SSBP3: variants seen among roughly 807,000 people sequenced by gnomAD.
SSBP3 encodes single stranded DNA binding protein 3, also known as single-stranded DNA-binding protein 3.
SSBP3 carries 5 observed loss-of-function variants against 69.6 expected under a neutral mutation model. The observed-to-expected ratio is 0.07, with a 90% CI of 0.04 to 0.15. The LOEUF is 0.15. Ranked by LOEUF, SSBP3 falls within the 10% of genes least tolerant of loss-of-function variation. The pLI is 1.00. For missense variants in SSBP3, 312 were observed against 534.0 expected, an observed-to-expected ratio of 0.58 and a Z score of 4.10; for synonymous variants, 196 against 193.4, an observed-to-expected ratio of 1.01 and a Z score of -0.11.
intron 7 of SSBP3, among the ~76,000 whole-genome samples, chr1:54,253,101 T>C (rs1162770287): frequency 6.6e-6 from 1 of 151,726 alleles, no homozygotes. Context: ...TATGTGTGGT[T>C]AAGGTACGAG....
intron 6 of SSBP3, 113 bp from the exon 7 acceptor site, chr1:54,257,299 TTC>T: frequency 1.1e-6 from 1 of 910,496 alleles, no homozygotes; most frequent in Non-Finnish European, 1.6e-6. Flanking sequence ...ATCTTTTAAG[TTC>T]TTTCTCCTGC....
chr1:54,401,712 G>A (rs1649315175), intron 4 of SSBP3, 149 bp downstream of exon 4: 2 of 626,290 alleles, frequency 3.2e-6, no homozygotes, highest in African/African-American at 3.7e-5. Context: ...ACCATTGGGA[G>A]GGCTGCAGAG....
At chr1:54,392,879 C>T (rs542202374) in intron 4 of SSBP3, among the ~76,000 whole-genome samples, 1 of 152,306 alleles carries the variant, frequency 6.6e-6, no homozygotes, top group African/African-American at 2.4e-5. Flanking sequence ...TAACAAACGA[C>T]TAGGAGAGTT....
chr1:54,375,859 A>C (rs1219519913), intron 4 of SSBP3, among the ~76,000 whole-genome samples: 5 of 152,200 alleles, frequency 3.3e-5, no homozygotes, highest in Non-Finnish European at 7.4e-5. Context: ...GCAGGGAAGC[A>C]AAGGCAAGGC....
chr1:54,253,907 C>T (rs74780334), intron 7 of SSBP3, among the ~76,000 whole-genome samples: 1 of 152,344 alleles, frequency 6.6e-6, no homozygotes, highest in African/African-American at 2.4e-5. Context: ...TCCTCTAACC[C>T]TCCTATGTGT....
chr1:54,249,191 T>C (rs963279877), intron 9 of SSBP3, among the ~76,000 whole-genome samples: 1 of 152,218 alleles, frequency 6.6e-6, no homozygotes, highest in African/African-American at 2.4e-5. Flanking sequence ...TCAAATAGCC[T>C]GACATCTGTT....
At chr1:54,320,370 T>G (rs1646190665) in intron 4 of SSBP3, among the ~76,000 whole-genome samples, 2 of 152,140 alleles carry the variant, frequency 1.3e-5, no homozygotes, top group African/African-American at 4.8e-5. Context: ...CTGTCTGGAG[T>G]GCAATGACGC....
chr1:54,237,281 G>A (rs1570211203), intron 14 of SSBP3: 1 of 152,212 alleles, frequency 6.6e-6, no homozygotes, highest in Non-Finnish European at 1.5e-5. Flanking sequence ...TCACACACAG[G>A]ACTTTTAGTT....
chr1:54,341,648 T>C (rs146444443), intron 4 of SSBP3, among the ~76,000 whole-genome samples: 15 of 151,852 alleles, frequency 9.9e-5, no homozygotes, highest in African/African-American at 3.1e-4. Context: ...CCGTAAAATA[T>C]GTTAATTCCT....
intron 14 of SSBP3, among the ~76,000 whole-genome samples, chr1:54,235,100 C>G (rs1000725257): frequency 2.0e-5 from 3 of 152,134 alleles, no homozygotes; most frequent in African/African-American, 7.2e-5. Context: ...CACAAAGTAC[C>G]TCCGGTTTTA....
chr1:54,247,994 C>G (rs557832569), intron 9 of SSBP3, among the ~76,000 whole-genome samples: 13 of 152,320 alleles, frequency 8.5e-5, no homozygotes, highest in Admixed American at 8.5e-4. Context: ...CAGGGTGATA[C>G]CTGCGTTGCT....
intron 4 of SSBP3, among the ~76,000 whole-genome samples, chr1:54,327,287 A>C (rs1338506544): frequency 2.4e-4 from 36 of 151,826 alleles, no homozygotes; most frequent in Non-Finnish European, 1.5e-5. Context: ...CAACAAGAAC[A>C]ACAACAAAAA....
chr1:54,392,235 C>G (rs1183537452), intron 4 of SSBP3, among the ~76,000 whole-genome samples: 1 of 152,124 alleles, frequency 6.6e-6, no homozygotes, highest in Non-Finnish European at 1.5e-5. Flanking sequence ...AACAATTTCC[C>G]GAGAACTCTC....
chr1:54,397,928 C>T (rs1025245490), intron 4 of SSBP3, among the ~76,000 whole-genome samples: 24 of 152,186 alleles, frequency 1.6e-4, no homozygotes, highest in African/African-American at 5.8e-4. Context: ...ATTCACCTTG[C>T]GGGGGCTTCC....
At chr1:54,312,741 T>C (rs1161391021) in intron 4 of SSBP3, among the ~76,000 whole-genome samples, 2 of 152,006 alleles carry the variant, frequency 1.3e-5, no homozygotes, top group Non-Finnish European at 2.9e-5. Context: ...ACCACAGCCA[T>C]GTCAGGGGGC....
At chr1:54,310,456 G>A (rs918912695) in intron 4 of SSBP3, among the ~76,000 whole-genome samples, 8 of 152,110 alleles carry the variant, frequency 5.3e-5, no homozygotes, top group Non-Finnish European at 1.0e-4. Context: ...GAGAGCCCAC[G>A]GACACACCTT....
At chr1:54,239,179 T>C in exon 14 of SSBP3, 1 of 1,612,046 alleles carries the variant, frequency 6.2e-7, no homozygotes, top group Non-Finnish European at 8.5e-7. Context: ...GTGTAGATGT[T>C]GTCACTGGAA....
chr1:54,264,939 G>A (rs1227831554), intron 5 of SSBP3, among the ~76,000 whole-genome samples: 1 of 152,246 alleles, frequency 6.6e-6, no homozygotes, highest in Non-Finnish European at 1.5e-5. Context: ...TGCGGTACTG[G>A]CGGCCTGTGT....
chr1:54,367,811 A>G (rs1414903063), intron 4 of SSBP3, among the ~76,000 whole-genome samples: 2 of 152,252 alleles, frequency 1.3e-5, no homozygotes, highest in East Asian at 1.9e-4. Context: ...AACTTTACAC[A>G]TAAGAATACC....
Sources: gnomAD v4.1 joint callset for allele counts (sites outside exome capture counted in the v4.1 genomes callset) on GRCh38, gnomAD v4.1.1 for gene constraint, MANE v1.5 for transcripts, NCBI Gene and HGNC (gene_info 2026-07-23, HGNC 2026-07-21) for gene names.